The following NFIB variants were observed in gnomAD, a reference collection of about 807,000 sequenced individuals.
NFIB encodes the protein nuclear factor 1 B-type.
Under a neutral mutation model 61.5 loss-of-function variants are expected in NFIB, and 11 were observed. The observed-to-expected ratio is 0.18, with a 90% CI of 0.11 to 0.30. The LOEUF is 0.30. Ranked by LOEUF, NFIB falls within the 10% of genes least tolerant of loss-of-function variation. The probability of loss-of-function intolerance (pLI) is 1.00; values close to 1 mark genes in which losing one functional copy is unlikely to be tolerated. For synonymous variants in NFIB, 260 were observed against 216.5 expected (o/e 1.20, Z -1.76); for missense variants, 471 against 608.9 (o/e 0.77, Z 2.38).
the NFIB span, among the ~76,000 whole-genome samples, chr9:14,427,999 C>G: frequency 8.4e-6 from 1 of 119,302 alleles, no homozygotes; most frequent in Non-Finnish European, 1.6e-5. Context: ...GGCCAGAATA[C>G]AGCGGTGTGA....
At chr9:14,173,873 T>G (rs1454131793) in intron 3 of NFIB, among the ~76,000 whole-genome samples, 1 of 152,186 alleles carries the variant, frequency 6.6e-6, no homozygotes, top group Non-Finnish European at 1.5e-5. Flanking sequence ...CATTAAGTAT[T>G]ACAAATAATC....
At chr9:14,175,512 T>C (rs533225413) in intron 3 of NFIB, among the ~76,000 whole-genome samples, 2 of 152,244 alleles carry the variant, frequency 1.3e-5, no homozygotes, top group African/African-American at 4.8e-5. Context: ...GATAAGCACA[T>C]AGCTATCATT....
the NFIB span, among the ~76,000 whole-genome samples, chr9:14,417,785 T>G: frequency 9.9e-5 from 13 of 131,258 alleles, no homozygotes; most frequent in South Asian, 7.1e-4. Flanking sequence ...TTTTTTTTTT[T>G]TTTTTTTTTT....
In NFIB at chr9:14,174,121, G is replaced by A. The variant is rs143040644; in HGVS notation, c.616+5606C>T. Among the ~76,000 whole-genome samples, 202 of 151,878 alleles carry A rather than the reference G, an allele frequency of 1.3e-3. 1 individual carries two copies. The highest frequency in any genetic ancestry group is 4.5e-3 in the African/African-American group (185 of 41,370). ...ATTTAAGAACTTTATTGAATGTGACGTCTCCAAACAAGTTAGAGGATAAAG... is the reference window on the plus strand; with the variant it reads ...ATTTAAGAACTTTATTGAATGTGACATCTCCAAACAAGTTAGAGGATAAAG... On this transcript the variant is annotated intron_variant, in intron 3 of 10. Coordinates refer to ENST00000380953, the MANE Select transcript of NFIB (RefSeq NM_001190737.2).
At chr9:14,312,887 C>T (rs1448294297) in intron 1 of NFIB, among the ~76,000 whole-genome samples, 1 of 152,112 alleles carries the variant, frequency 6.6e-6, no homozygotes, top group African/African-American at 2.4e-5. Flanking sequence ...ACTAGAAACC[C>T]CAAAGTGCAG....
chr9:14,453,704 G>T, the NFIB span, among the ~76,000 whole-genome samples: 5 of 152,130 alleles, frequency 3.3e-5, no homozygotes, highest in Non-Finnish European at 7.4e-5. Context: ...GTACATTCCC[G>T]TTTGAAATGG....
the NFIB span, among the ~76,000 whole-genome samples, chr9:14,477,633 G>A: frequency 2.0e-5 from 3 of 152,030 alleles, no homozygotes; most frequent in African/African-American, 7.2e-5. Context: ...GCATGAGTTG[G>A]GCTGGTTCAG....
intron 6 of NFIB, among the ~76,000 whole-genome samples, chr9:14,132,849 T>C (rs114644134): frequency 0.014 from 2,068 of 152,316 alleles, 41 homozygotes; most frequent in African/African-American, 0.047. Context: ...ATAGGCTTGA[T>C]TCATTGCATA....
At chr9:14,191,480 C>G (rs764983862) in intron 2 of NFIB, among the ~76,000 whole-genome samples, 7 of 152,066 alleles carry the variant, frequency 4.6e-5, no homozygotes, top group Non-Finnish European at 1.0e-4. Context: ...CTTGCTATAT[C>G]CATTTTAAAA....
intron 5 of NFIB, 151 bp from the exon 6 acceptor site, chr9:14,146,958 T>C: frequency 9.7e-7 from 1 of 1,029,108 alleles, no homozygotes; most frequent in Non-Finnish European, 1.4e-6. Flanking sequence ...AAGATATCAA[T>C]AGTAATAGCA....
In NFIB at chr9:14,296,094, G is replaced by C. The variant is rs138433822; in HGVS notation, c.562+10895C>G. ...AGGACTTCGATTTCCTCTTTGGTAT[G>C]TCTTGTTACCTGAGATAAATATGAA... On this transcript the variant is annotated intron_variant, in intron 2 of 10. Transcript: ENST00000380953. Among the ~76,000 whole-genome samples, 19 of 152,294 alleles carry C rather than the reference G, an allele frequency of 1.2e-4. No individual in the cohort carries two copies. In the East Asian group the frequency reaches 3.7e-3, roughly 29 times the overall value.
chr9:14,298,852 T>C (rs1449749276), intron 2 of NFIB, among the ~76,000 whole-genome samples: 2 of 152,234 alleles, frequency 1.3e-5, no homozygotes, highest in Non-Finnish European at 2.9e-5. Context: ...TGAATTGTTT[T>C]AACACATCAG....
At chr9:14,493,381 T>G in the NFIB span, among the ~76,000 whole-genome samples, 5 of 152,204 alleles carry the variant, frequency 3.3e-5, no homozygotes, top group Non-Finnish European at 7.3e-5. Flanking sequence ...TTTTGCATGC[T>G]AAATGTAATT....
At chr9:14,395,205 C>T (rs774715929) in intron 1 of NFIB, among the ~76,000 whole-genome samples, 2 of 151,600 alleles carry the variant, frequency 1.3e-5, no homozygotes, top group South Asian at 2.1e-4. Flanking sequence ...GCTACCCCAT[C>T]GCTGCTCAGA....
intron 10 of NFIB, among the ~76,000 whole-genome samples, chr9:14,112,228 C>T (rs948769006): frequency 1.3e-5 from 2 of 152,112 alleles, no homozygotes; most frequent in Non-Finnish European, 1.5e-5. Flanking sequence ...TATTTAAATT[C>T]GGAACTGTTT....
chr9:14,214,571 C>G (rs2050654623), intron 2 of NFIB, among the ~76,000 whole-genome samples: 1 of 152,224 alleles, frequency 6.6e-6, no homozygotes, highest in South Asian at 2.1e-4. Flanking sequence ...TGCCATACTT[C>G]CTTCCTTCAG....
At chr9:14,418,740 T>C in the NFIB span, among the ~76,000 whole-genome samples, 1 of 152,228 alleles carries the variant, frequency 6.6e-6, no homozygotes. Flanking sequence ...AATTCCCATA[T>C]TACATTCAAT....
the NFIB span, among the ~76,000 whole-genome samples, chr9:14,472,265 G>C: frequency 1.3e-5 from 2 of 152,172 alleles, no homozygotes; most frequent in Non-Finnish European, 2.9e-5. Context: ...TCCCAGACTA[G>C]GTCCAAGTTA....
At chr9:14,452,173 G>C in the NFIB span, among the ~76,000 whole-genome samples, 2 of 152,076 alleles carry the variant, frequency 1.3e-5, no homozygotes, top group Non-Finnish European at 2.9e-5. Context: ...AGTAATAAAG[G>C]AACTGTCAAC....
Sources: gnomAD v4.1 joint callset for allele counts (sites outside exome capture counted in the v4.1 genomes callset) on GRCh38, gnomAD v4.1.1 for gene constraint, MANE v1.5 for transcripts, NCBI Gene and HGNC (gene_info 2026-07-23, HGNC 2026-07-21) for gene names.